HNF1B: variants seen among roughly 807,000 people sequenced by gnomAD.
The protein encoded by HNF1B is HNF1 homeobox B, also known as hepatocyte nuclear factor 1-beta.
In HNF1B, 8 loss-of-function variants were observed where a neutral mutation model predicts 61.7. That is an observed-to-expected ratio of 0.13 (90% CI 0.08 to 0.23). HNF1B has a LOEUF of 0.23. Ranked by LOEUF, HNF1B falls within the 10% of genes least tolerant of loss-of-function variation. HNF1B has a pLI of 1.00. For missense variants in HNF1B, 562 were observed against 714.5 expected, an observed-to-expected ratio of 0.79 and a Z score of 2.43; for synonymous variants, 314 against 287.7, an observed-to-expected ratio of 1.09 and a Z score of -0.93.
intron 2 of HNF1B, among the ~76,000 whole-genome samples, chr17:37,735,352 A>C (rs1006365953): frequency 6.6e-6 from 1 of 152,160 alleles, no homozygotes; most frequent in African/African-American, 2.4e-5. Context: ...TCTTAGGCTC[A>C]TTTCCATTTT....
At chr17:37,698,828 C>T (rs1220968955) in intron 8 of HNF1B, among the ~76,000 whole-genome samples, 1 of 152,164 alleles carries the variant, frequency 6.6e-6, no homozygotes, top group African/African-American at 2.4e-5. Flanking sequence ...ATCCAGTCTC[C>T]AGCAACCTAT....
chr17:37,703,138 C>A lies in HNF1B; in HGVS notation c.1339+1779G>T, dbSNP rs80207134. ...TCAGTTAAATGAAGATGCCTGCAAC[C>A]AGTTTCTCATCCTAACACTCCATAG... On this transcript the variant is annotated intron_variant, in intron 6 of 8. Transcript: ENST00000617811. Among the ~76,000 whole-genome samples the A allele has an allele frequency of 2.9e-3, 439 of 152,302 alleles. 2 individuals are homozygous for A. Among genetic ancestry groups the A allele is most frequent in the African/African-American group, 9.7e-3 (404 of 41,552 alleles).
intron 4 of HNF1B, among the ~76,000 whole-genome samples, chr17:37,717,818 C>G (rs2033173636): frequency 6.6e-6 from 1 of 152,196 alleles, no homozygotes; most frequent in African/African-American, 2.4e-5. Flanking sequence ...GTTTGTAGCA[C>G]TGGACTTTTG....
intron 4 of HNF1B, among the ~76,000 whole-genome samples, chr17:37,715,598 G>A (rs1267234402): frequency 1.3e-5 from 2 of 152,118 alleles, no homozygotes; most frequent in Non-Finnish European, 2.9e-5. Context: ...TCCACCAGCC[G>A]CCTCGGTCCA....
chr17:37,690,828 G>A (rs187781012), intron 8 of HNF1B, among the ~76,000 whole-genome samples: 6 of 152,340 alleles, frequency 3.9e-5, no homozygotes, highest in East Asian at 3.9e-4. Flanking sequence ...TGTCCCTGCC[G>A]AAGCAGCACT....
At chr17:37,723,368 GAA>G (rs1041747658) in intron 4 of HNF1B, among the ~76,000 whole-genome samples, 41 of 151,940 alleles carry the variant, frequency 2.7e-4, no homozygotes, top group Admixed American at 1.5e-3. Context: ...AAAAGAAAAA[GAA>G]AAAAGAAAAA....
chr17:37,707,206 C>T (rs981537793), intron 5 of HNF1B, among the ~76,000 whole-genome samples: 1 of 151,544 alleles, frequency 6.6e-6, no homozygotes, highest in Non-Finnish European at 1.5e-5. Context: ...GCTTCGAACT[C>T]CTGGAATTAA....
intron 2 of HNF1B, among the ~76,000 whole-genome samples, chr17:37,739,131 C>T (rs559156498): frequency 6.6e-6 from 1 of 152,256 alleles, no homozygotes; most frequent in Non-Finnish European, 1.5e-5. Flanking sequence ...GAAGACATTT[C>T]ACTCTGTCAC....
chr17:37,687,340 T>C lies in HNF1B; in HGVS notation c.*32A>G, dbSNP rs1310566604. ...GATGGTGTGGAAAACAGGGTCCTTG[T>C]TGTTGCGCACGAAGTAAGTGGTGTG... On this transcript the variant is annotated 3_prime_UTR_variant, in exon 9 of 9. Coordinates refer to ENST00000617811, the MANE Select transcript of HNF1B (RefSeq NM_000458.4). The C allele has an allele frequency of 6.2e-7, 1 of 1,614,098 alleles. No homozygotes were observed. The highest frequency in any genetic ancestry group is 2.2e-5 in the East Asian group (1 of 44,882).
chr17:37,740,829 C>G (rs888745822), intron 1 of HNF1B, among the ~76,000 whole-genome samples: 2 of 152,138 alleles, frequency 1.3e-5, no homozygotes, highest in African/African-American at 4.8e-5. Context: ...GTGTAAACTG[C>G]TAGTTTTAGC....
At chr17:37,742,125 A>G (rs2034009985) in intron 1 of HNF1B, among the ~76,000 whole-genome samples, 1 of 152,204 alleles carries the variant, frequency 6.6e-6, no homozygotes, top group Admixed American at 6.5e-5. Flanking sequence ...CGGCGCCCGC[A>G]GGGTCCGTCC....
chr17:37,718,986 G>A (rs890875822), intron 4 of HNF1B, among the ~76,000 whole-genome samples: 12 of 152,072 alleles, frequency 7.9e-5, no homozygotes, highest in African/African-American at 2.9e-4. Context: ...CACCCAGGCT[G>A]GACTGTGGTG....
rs560676778 is a variant in HNF1B at position 37,733,267 on chromosome 17, A to T, written c.809+290T>A. Reference sequence around the variant, plus strand: ...TGGGGTTGTTTGTACTCTACCGAAGATTCCATAGTTAACAACCAATTCAAC... The same window carrying T: ...TGGGGTTGTTTGTACTCTACCGAAGTTTCCATAGTTAACAACCAATTCAAC... On this transcript the variant is annotated intron_variant, in intron 3 of 8. Coordinates refer to ENST00000617811, the MANE Select transcript of HNF1B (RefSeq NM_000458.4). 2.6e-5 allele frequency among the ~76,000 whole-genome samples: 4 copies of T among 152,318 alleles called. No homozygotes were observed. The East Asian group carries it at 7.7e-4, about 29-fold the overall frequency.
intron 4 of HNF1B, among the ~76,000 whole-genome samples, chr17:37,719,130 A>G (rs1035555647): frequency 1.8e-5 from 2 of 108,574 alleles, no homozygotes; most frequent in African/African-American, 7.2e-5. Flanking sequence ...TATTATTATT[A>G]TTGTTATTAT....
chr17:37,716,870 C>A (rs2033138978), intron 4 of HNF1B, among the ~76,000 whole-genome samples: 1 of 151,678 alleles, frequency 6.6e-6, no homozygotes, highest in Non-Finnish European at 1.5e-5. Context: ...CTCTCTCTCT[C>A]TCTCTCTCTC....
intron 1 of HNF1B, among the ~76,000 whole-genome samples, chr17:37,743,153 G>A (rs1402000779): frequency 6.6e-6 from 1 of 152,196 alleles, no homozygotes; most frequent in Non-Finnish European, 1.5e-5. Context: ...GGGCGCCTGC[G>A]GCCGAGTGGG....
intron 8 of HNF1B, 141 bp from the exon 9 acceptor site, chr17:37,687,533 C>T: frequency 1.4e-6 from 1 of 733,596 alleles, no homozygotes; most frequent in South Asian, 1.5e-5. Context: ...CTCGTGTCTG[C>T]TCAGTTCTGC....
At chr17:37,736,899 G>T (rs1006760190) in intron 2 of HNF1B, among the ~76,000 whole-genome samples, 3 of 152,118 alleles carry the variant, frequency 2.0e-5, no homozygotes, top group African/African-American at 7.2e-5. Flanking sequence ...TCCCACATTT[G>T]CTCCCTCTAG....
chr17:37,698,588 T>C (rs895240949), intron 8 of HNF1B, among the ~76,000 whole-genome samples: 2 of 152,180 alleles, frequency 1.3e-5, no homozygotes, highest in Admixed American at 6.5e-5. Flanking sequence ...AACTGGGTCA[T>C]TCCCAGAGCT....
Sources: allele counts gnomAD v4.1 joint callset (sites outside exome capture counted in the v4.1 genomes callset), GRCh38; gene constraint gnomAD v4.1.1; transcripts MANE v1.5; gene names NCBI Gene and HGNC (gene_info 2026-07-23, HGNC 2026-07-21).